Variants in SREBF2 observed in about 807,000 individuals in gnomAD.
The protein encoded by SREBF2 is sterol regulatory element binding transcription factor 2.
SREBF2 carries 55 observed loss-of-function variants against 113.1 expected under a neutral mutation model. The ratio of observed to expected loss-of-function variants is 0.49; its 90% CI spans 0.39 to 0.61. SREBF2 has a LOEUF of 0.61. Among genes scored for constraint, SREBF2 ranks in the 20% least tolerant of loss-of-function variants. SREBF2 has a pLI of 0.00. For missense variants in SREBF2, 1,349 were observed against 1,487.4 expected, an observed-to-expected ratio of 0.91 and a Z score of 1.53; for synonymous variants, 593 against 605.7, an observed-to-expected ratio of 0.98 and a Z score of 0.31.
intron 9 of SREBF2, chr22:41,878,903 A>AT: frequency 2.4e-6 from 1 of 419,224 alleles, no homozygotes; most frequent in Non-Finnish European, 4.4e-6. Context: ...TTCCTTGAGT[A>AT]TAACATCCCA....
intron 3 of SREBF2, among the ~76,000 whole-genome samples, chr22:41,869,114 T>A (rs2077115017): frequency 6.6e-6 from 1 of 152,178 alleles, no homozygotes; most frequent in Non-Finnish European, 1.5e-5. Flanking sequence ...TTGTTGTTGT[T>A]GTTGTTTTGA....
In SREBF2 at chr22:41,895,588, A is replaced by G. The variant is rs534044015; in HGVS notation, c.2495+651A>G. On this transcript the variant is annotated intron_variant, in intron 13 of 18. Transcript: ENST00000361204. ...GTAGCTGGGATTACAGGCGCCCACC[A>G]CCATGCCTGGCTAATTTTTGTACTT... Among the ~76,000 whole-genome samples, 210 of 150,722 alleles carry G rather than the reference A, an allele frequency of 1.4e-3. 2 individuals are homozygous for G. The South Asian group carries it at 0.043, about 31-fold the overall frequency.
chr22:41,897,038 T>C lies in SREBF2; in HGVS notation c.2496-14T>C. ...ATGTTTTGATGTACATGGGACCCTTTCTTTTCTTCCTAGTGAATTCTCCAG... is the reference window on the plus strand; with the variant it reads ...ATGTTTTGATGTACATGGGACCCTTCCTTTTCTTCCTAGTGAATTCTCCAG... On this transcript the variant is annotated splice_polypyrimidine_tract_variant and intron_variant, in intron 13 of 18. Transcript: ENST00000361204. The C allele has an allele frequency of 1.3e-6, 2 of 1,594,834 alleles. No individual in the cohort carries two copies. The highest frequency in any genetic ancestry group is 1.7e-6 in the Non-Finnish European group (2 of 1,164,670).
chr22:41,905,924 G>A lies in SREBF2; in HGVS notation c.*264G>A. The A allele has an allele frequency of 1.5e-6, 1 of 658,014 alleles. No homozygotes were observed. The highest frequency in any genetic ancestry group is 3.0e-5 in the East Asian group (1 of 33,384). The allele number at this position is 658,014 out of a possible 1,614,324, so 40.8% of individuals were successfully genotyped here. On this transcript the variant is annotated 3_prime_UTR_variant, in exon 19 of 19. Coordinates refer to ENST00000361204, the MANE Select transcript of SREBF2 (RefSeq NM_004599.4). ...AGCCCTGACTTGATAGCAGCAGGGGGAGCTCCCAAGCTGCCAAGCCCCTGC... is the reference window on the plus strand; with the variant it reads ...AGCCCTGACTTGATAGCAGCAGGGGAAGCTCCCAAGCTGCCAAGCCCCTGC...
intron 1 of SREBF2, among the ~76,000 whole-genome samples, chr22:41,845,558 G>A (rs939510715): frequency 2.0e-5 from 3 of 152,192 alleles, no homozygotes; most frequent in African/African-American, 7.2e-5. Flanking sequence ...CTTTCAGGGA[G>A]CTAACATGTA....
intron 10 of SREBF2, among the ~76,000 whole-genome samples, chr22:41,882,571 C>G (rs560999299): frequency 2.3e-4 from 35 of 152,296 alleles, no homozygotes; most frequent in African/African-American, 8.2e-4. Context: ...TTTGGGAGGC[C>G]AAGGCAGGTG....
rs1027342057 is a variant in SREBF2, at chr22:41,833,506, C to A, written c.88+148C>A. Reference sequence around the variant, plus strand: ...GCACGGTGCCCCCGGCGGTCCTCAACCCTTCCGGCGCTGCGAGCGTGAGCC... The same window carrying A: ...GCACGGTGCCCCCGGCGGTCCTCAAACCTTCCGGCGCTGCGAGCGTGAGCC... On this transcript the variant is annotated intron_variant, in intron 1 of 18. Transcript: ENST00000361204. The surrounding 1 kb of genome is among the most constrained non-coding windows in gnomAD (Gnocchi z 4.1). 1.7e-6 allele frequency: 1 copy of A among 584,752 alleles called. No individual in the cohort carries two copies. The highest frequency in any genetic ancestry group is 2.6e-5 in the South Asian group (1 of 38,142). The allele number at this position is 584,752 out of a possible 1,614,324, so 36.2% of individuals were successfully genotyped here.
chr22:41,848,073 G>T (rs970276920), intron 1 of SREBF2, among the ~76,000 whole-genome samples: 2 of 151,530 alleles, frequency 1.3e-5, no homozygotes, highest in African/African-American at 4.8e-5. Context: ...CCGCCACCAC[G>T]CCCAGCTAAT....
At chr22:41,852,952 G>GT (rs1334025681) in intron 1 of SREBF2, among the ~76,000 whole-genome samples, 3 of 152,144 alleles carry the variant, frequency 2.0e-5, no homozygotes, top group Admixed American at 6.5e-5. Context: ...GTTTCACCAT[G>GT]TTGGCCAGGC....
chr22:41,898,561 C>T lies in SREBF2; in HGVS notation c.2606-88C>T, dbSNP rs1003343395. 3.2e-6 allele frequency: 5 copies of T among 1,574,272 alleles called. No individual in the cohort carries two copies. The African/African-American group carries it at 6.8e-5, about 21-fold the overall frequency. On this transcript the variant is annotated intron_variant, in intron 14 of 18. Transcript: ENST00000361204. ...CCCAGCAGGCAAAGATGTTACCCAT[C>T]TCCTAGGAAGGAAGTGTAGCAGCCT...
intron 1 of SREBF2, among the ~76,000 whole-genome samples, chr22:41,861,910 C>G (rs1019928099): frequency 4.6e-5 from 7 of 150,796 alleles, no homozygotes; most frequent in Non-Finnish European, 7.4e-5. Flanking sequence ...CAGAGCGAGA[C>G]TTTGTCTCAA....
At chr22:41,885,562 G>A in intron 11 of SREBF2, 1 of 170,850 alleles carries the variant, frequency 5.9e-6, no homozygotes, top group South Asian at 1.4e-4. Context: ...TCAGACGAGG[G>A]CAGGGATTGT....
chr22:41,844,353 AAT>A (rs1312063030), intron 1 of SREBF2, among the ~76,000 whole-genome samples: 2 of 152,124 alleles, frequency 1.3e-5, no homozygotes, highest in Non-Finnish European at 2.9e-5. Flanking sequence ...CTGTTTTTAG[AAT>A]ATGTTTGGAA....
chr22:41,882,604 G>A (rs977103626), intron 10 of SREBF2, among the ~76,000 whole-genome samples: 12 of 152,304 alleles, frequency 7.9e-5, no homozygotes, highest in African/African-American at 1.4e-4. Flanking sequence ...TCAGGAGTTC[G>A]AGACCTGCCT....
At chr22:41,878,540 C>A in intron 9 of SREBF2, 1 of 584,584 alleles carries the variant, frequency 1.7e-6, no homozygotes, top group Non-Finnish European at 2.8e-6. Context: ...TGTCTAGGCC[C>A]AAATTGGAGA....
intron 9 of SREBF2, 37 bp from the exon 10 acceptor site, chr22:41,880,679 A>T (rs1644467489): frequency 6.2e-7 from 1 of 1,613,944 alleles, no homozygotes; most frequent in Non-Finnish European, 8.5e-7. Context: ...AGCCGGAGCA[A>T]GGCCAGTGAC....
At chr22:41,881,178 G>C (rs1479341881) in intron 10 of SREBF2, among the ~76,000 whole-genome samples, 186 bp downstream of exon 10, 1 of 152,232 alleles carries the variant, frequency 6.6e-6, no homozygotes, top group Non-Finnish European at 1.5e-5. Context: ...TAGCTCATCA[G>C]TTCTCAGATG....
intron 15 of SREBF2, chr22:41,899,258 A>C: frequency 9.4e-7 from 1 of 1,062,342 alleles, no homozygotes; most frequent in Non-Finnish European, 1.1e-6. Context: ...CCCACCATCA[A>C]CCCTGGCAAC....
At chr22:41,895,347 G>A (rs934293406) in intron 13 of SREBF2, among the ~76,000 whole-genome samples, 1 of 149,320 alleles carries the variant, frequency 6.7e-6, no homozygotes, top group South Asian at 2.1e-4. Context: ...CACCATGTTA[G>A]CCAGGATGGT....
Sources: gnomAD v4.1 joint callset for allele counts (sites outside exome capture counted in the v4.1 genomes callset) on GRCh38, gnomAD v4.1.1 for gene constraint, Gnocchi (gnomAD v3.1) non-coding constraint, MANE v1.5 for transcripts, NCBI Gene and HGNC (gene_info 2026-07-23, HGNC 2026-07-21) for gene names.